The following MVB12B variants were observed in gnomAD, a reference collection of about 807,000 sequenced individuals.
MVB12B encodes multivesicular body subunit 12B, also known as ESCRT-I complex subunit MVB12B.
A neutral mutation model predicts 41.6 loss-of-function variants in MVB12B; 16 were observed. The observed-to-expected ratio is 0.38, with a 90% CI of 0.26 to 0.58. MVB12B has a LOEUF of 0.58. Ranked by LOEUF, MVB12B falls within the 20% of genes least tolerant of loss-of-function variation. The pLI is 0.62. For synonymous variants in MVB12B, 133 were observed against 139.7 expected, an observed-to-expected ratio of 0.95 and a Z score of 0.34; for missense variants, 274 against 380.2, an observed-to-expected ratio of 0.72 and a Z score of 2.32.
intron 2 of MVB12B, among the ~76,000 whole-genome samples, chr9:126,365,220 ATTTTT>A (rs71377933): frequency 2.6e-4 from 32 of 122,616 alleles, no homozygotes; most frequent in East Asian, 1.2e-3. Context: ...CACCCAGCTA[ATTTTT>A]TTTTTTTTTT....
At chr9:126,375,114 A>C (rs1235817681) in intron 2 of MVB12B, among the ~76,000 whole-genome samples, 1 of 152,090 alleles carries the variant, frequency 6.6e-6, no homozygotes, top group African/African-American at 2.4e-5. Context: ...CTTCTCTTAT[A>C]ATCTCCTCCC....
chr9:126,478,909 T>A lies in MVB12B; in HGVS notation c.758-2460T>A, dbSNP rs867464748. ...TGAGAGGCAGTTCTTCACTCCCAAA[T>A]ACTAATAAGGTCTTTAAAACATCAG... On this transcript the variant is annotated intron_variant, in intron 7 of 9. Transcript: ENST00000361171. The surrounding 1 kb of genome is among the most constrained non-coding windows in gnomAD (Gnocchi z 4.2). Among the ~76,000 whole-genome samples the A allele has an allele frequency of 6.6e-6, 1 of 152,100 alleles. No individual in the cohort carries two copies. Among genetic ancestry groups the A allele is most frequent in the African/African-American group, 2.4e-5 (1 of 41,410 alleles).
At chr9:126,370,502 C>T (rs1830306561) in intron 2 of MVB12B, among the ~76,000 whole-genome samples, 1 of 151,706 alleles carries the variant, frequency 6.6e-6, no homozygotes, top group African/African-American at 2.4e-5. Flanking sequence ...CTGCCTCAGC[C>T]TCCCGAGTAG....
intron 8 of MVB12B, among the ~76,000 whole-genome samples, chr9:126,483,462 C>T (rs13294226): frequency 0.062 from 9,419 of 152,216 alleles, 422 homozygotes; most frequent in South Asian, 0.15. Flanking sequence ...TTCCAAAGAC[C>T]TGGAATCCCC....
At chr9:126,500,497 T>C (rs1361311173) in intron 9 of MVB12B, among the ~76,000 whole-genome samples, 2 of 152,118 alleles carry the variant, frequency 1.3e-5, no homozygotes, top group Non-Finnish European at 2.9e-5. Context: ...GATTGGGTCG[T>C]AGAATTCTCT....
intron 2 of MVB12B, among the ~76,000 whole-genome samples, chr9:126,368,314 ACT>A (rs2118916115): frequency 6.6e-6 from 1 of 151,982 alleles, no homozygotes; most frequent in Non-Finnish European, 1.5e-5. Context: ...CATGTTTTAA[ACT>A]CTGTATGCTG....
chr9:126,437,811 G>A (rs558109993), intron 7 of MVB12B, among the ~76,000 whole-genome samples: 13 of 152,260 alleles, frequency 8.5e-5, no homozygotes, highest in Admixed American at 4.6e-4. Flanking sequence ...TCCAGATGGC[G>A]TGTACTGATT....
chr9:126,419,018 G>T (rs910283065), intron 6 of MVB12B, among the ~76,000 whole-genome samples: 20 of 152,084 alleles, frequency 1.3e-4, no homozygotes, highest in African/African-American at 4.6e-4. Context: ...CCACCCAACA[G>T]CTCGGCTGGC....
At chr9:126,438,888 T>A (rs972934705) in intron 7 of MVB12B, among the ~76,000 whole-genome samples, 2 of 152,066 alleles carry the variant, frequency 1.3e-5, no homozygotes, top group African/African-American at 2.4e-5. Flanking sequence ...TTGGGACTTA[T>A]CTTTCTATTT....
intron 2 of MVB12B, among the ~76,000 whole-genome samples, chr9:126,346,620 G>C (rs185338895): frequency 1.3e-5 from 2 of 152,054 alleles, no homozygotes; most frequent in Admixed American, 6.6e-5. Context: ...CAAGGACTGC[G>C]GGCATAAGTG....
At chr9:126,370,244 T>G (rs568781782) in intron 2 of MVB12B, among the ~76,000 whole-genome samples, 2 of 152,150 alleles carry the variant, frequency 1.3e-5, no homozygotes, top group Non-Finnish European at 2.9e-5. Flanking sequence ...CCCTCTGAAG[T>G]GGCGTGCAGG....
At chr9:126,488,421 C>T (rs548196852) in intron 9 of MVB12B, among the ~76,000 whole-genome samples, 4 of 151,988 alleles carry the variant, frequency 2.6e-5, no homozygotes, top group South Asian at 4.2e-4. Flanking sequence ...GACCTTTGAC[C>T]GTGCCTCCCG....
chr9:126,423,718 C>T (rs1047158106), intron 7 of MVB12B, among the ~76,000 whole-genome samples: 2 of 152,208 alleles, frequency 1.3e-5, no homozygotes, highest in African/African-American at 4.8e-5. Context: ...GCAAGCTCAG[C>T]ACTGGGCAAC....
Position 126,480,216 on chromosome 9 carries a change from C to A in MVB12B, c.758-1153C>A, listed in dbSNP as rs1833499247. On this transcript the variant is annotated intron_variant, in intron 7 of 9. Transcript: ENST00000361171. This position sits in a 1 kb window ranked among gnomAD's most constrained non-coding sequence, Gnocchi z 4.9. ...ACCCCTGACTTCGGGGCTCCGCGTC[C>A]CTGCACTCATGACCAGGCCCCTAAC... Among the ~76,000 whole-genome samples, 1 of 152,178 alleles carries A rather than the reference C, an allele frequency of 6.6e-6. No homozygotes were observed. The highest frequency in any genetic ancestry group is 2.4e-5 in the African/African-American group (1 of 41,432).
chr9:126,360,390 A>T (rs1393837420), intron 2 of MVB12B, among the ~76,000 whole-genome samples: 1 of 152,194 alleles, frequency 6.6e-6, no homozygotes, highest in Non-Finnish European at 1.5e-5. Flanking sequence ...TTATGTTTTC[A>T]ACTCTTGAAA....
chr9:126,390,224 T>C (rs576699716), intron 4 of MVB12B, among the ~76,000 whole-genome samples: 21 of 152,354 alleles, frequency 1.4e-4, no homozygotes, highest in African/African-American at 4.8e-4. Context: ...CAGCTGTTCT[T>C]TACTGAGCAC....
At chr9:126,399,957 C>T (rs1831223481) in intron 6 of MVB12B, among the ~76,000 whole-genome samples, 3 of 152,176 alleles carry the variant, frequency 2.0e-5, no homozygotes, top group South Asian at 4.1e-4. Context: ...TTCAAAAATC[C>T]ATCACACAGG....
At chr9:126,484,090 G>T (rs897785394) in intron 9 of MVB12B, 58 bp downstream of exon 9, 1 of 1,521,356 alleles carries the variant, frequency 6.6e-7, no homozygotes, top group East Asian at 2.3e-5. Flanking sequence ...GCACACCGGC[G>T]TCTCTCGTGT....
Position 126,392,176 on chromosome 9 carries a change from C to G in MVB12B, c.520C>G (p.Pro174Ala), listed in dbSNP as rs777234498. 6.2e-7 allele frequency: 1 copy of G among 1,614,052 alleles called. No homozygotes were observed. Among genetic ancestry groups the G allele is most frequent in the East Asian group, 2.2e-5 (1 of 44,886 alleles). The change falls in exon 5 of 10, where the codon CCT (proline) becomes GCT (alanine). Residue 174 changes from proline (P) to alanine (A), a missense_variant. Coordinates refer to ENST00000361171, the MANE Select transcript of MVB12B (RefSeq NM_033446.3). This position sits in a 1 kb window ranked among gnomAD's most constrained non-coding sequence, Gnocchi z 4.8. ...RIMGRTKQAPPQYTFIGELNS... is the reference protein window; with the variant it reads ...RIMGRTKQAPAQYTFIGELNS... ...CATGGGCCGGACCAAGCAGGCCCCG[C>G]CTCAGTACACGTTTATTGGGTGAGT...
Sources: gnomAD v4.1 joint callset for allele counts (sites outside exome capture counted in the v4.1 genomes callset) on GRCh38, gnomAD v4.1.1 for gene constraint, Gnocchi (gnomAD v3.1) non-coding constraint, MANE v1.5 for transcripts, NCBI Gene and HGNC (gene_info 2026-07-23, HGNC 2026-07-21) for gene names.